AMBP: variants seen among roughly 807,000 people sequenced by gnomAD.
AMBP encodes protein AMBP.
Under a neutral mutation model 46.3 loss-of-function variants are expected in AMBP, and 37 were observed. The observed-to-expected ratio is 0.80, with a 90% CI of 0.61 to 1.05. AMBP has a LOEUF of 1.05. Ranked by LOEUF, AMBP falls within the 50% of genes least tolerant of loss-of-function variation. The pLI, the probability that AMBP is intolerant of heterozygous loss-of-function variation, is 0.00. For synonymous variants in AMBP, 174 were observed against 175.9 expected (o/e 0.99, Z 0.09); for missense variants, 475 against 461.2 (o/e 1.03, Z -0.27).
At chr9:114,061,392 C>T in intron 8 of AMBP, 32 bp downstream of exon 8, 1 of 1,613,444 alleles carries the variant, frequency 6.2e-7, no homozygotes, top group African/African-American at 1.3e-5. Flanking sequence ...CTTGAGGGTG[C>T]AGAGCGCACA....
chr9:114,074,938 T>C, intron 3 of AMBP, 22 bp downstream of exon 3: 1 of 1,604,084 alleles, frequency 6.2e-7, no homozygotes, highest in Non-Finnish European at 8.5e-7. Flanking sequence ...AGAATGCATG[T>C]GTCTCTTTCC....
At chr9:114,077,979 A>T in intron 1 of AMBP, 114 bp downstream of exon 1, 1 of 1,004,392 alleles carries the variant, frequency 1.0e-6, no homozygotes, top group Non-Finnish European at 1.5e-6. Flanking sequence ...ATAATCCCAG[A>T]TGATCTGAGT....
At chr9:114,073,999 T>C in intron 4 of AMBP, 37 bp downstream of exon 4, 1 of 1,592,784 alleles carries the variant, frequency 6.3e-7, no homozygotes, top group Non-Finnish European at 8.6e-7. Context: ...CCTCCCACCC[T>C]TAACTCCAAT....
intron 6 of AMBP, among the ~76,000 whole-genome samples, chr9:114,067,160 C>T (rs1387030688): frequency 1.3e-5 from 2 of 152,056 alleles, no homozygotes; most frequent in South Asian, 2.1e-4. Flanking sequence ...AGGATGGTCT[C>T]GATCTCCTGA....
At chr9:114,074,478 A>G (rs1846783322) in intron 3 of AMBP, among the ~76,000 whole-genome samples, 3 of 152,186 alleles carry the variant, frequency 2.0e-5, no homozygotes, top group African/African-American at 4.8e-5. Flanking sequence ...ATTTATCCTT[A>G]CATATATTCA....
In AMBP at chr9:114,078,084, C is replaced by G; in HGVS notation, c.117+9G>C. Reference sequence around the variant, plus strand: ...ACATCCACCCTACCACAGAGAGCGGCAGCCTTACCCGAGAGATATTGAAGT... The same window carrying G: ...ACATCCACCCTACCACAGAGAGCGGGAGCCTTACCCGAGAGATATTGAAGT... On this transcript the variant is annotated intron_variant, in intron 1 of 9. Transcript: ENST00000265132. The G allele has an allele frequency of 6.2e-7, 1 of 1,613,938 alleles. No homozygotes were observed. Among genetic ancestry groups the G allele is most frequent in the Non-Finnish European group, 8.5e-7 (1 of 1,179,938 alleles).
rs552277894 is a variant in AMBP, at chr9:114,074,917, A to C, written c.337+43T>G. On this transcript the variant is annotated intron_variant, in intron 3 of 9. Coordinates refer to ENST00000265132, the MANE Select transcript of AMBP (RefSeq NM_001633.4). ...GAGCTGAGGACATCAAGGTATTTTC[A>C]AGCAAAGGAGAGAATGCATGTGTCT... 5.7e-6 allele frequency: 9 copies of C among 1,568,056 alleles called. No individual in the cohort carries two copies. In the South Asian group the frequency reaches 7.8e-5, roughly 14 times the overall value.
Position 114,061,527 on chromosome 9 carries a change from A to G in AMBP, c.750T>C (p.Asn250=), listed in dbSNP as rs943322236. The G allele has an allele frequency of 2.5e-5, 40 of 1,613,856 alleles. No homozygotes were observed. The highest frequency in any genetic ancestry group is 3.4e-5 in the Non-Finnish European group (40 of 1,179,892). Residue 250 remains asparagine (N), a synonymous_variant, in exon 8 of 10, where the codon AAT becomes AAC. Coordinates refer to ENST00000265132, the MANE Select transcript of AMBP (RefSeq NM_001633.4). ...AAGTCTCACAGGCCATGGATGTACCATTATAGAAATACCTGCTGGTCATTC... is the reference window on the plus strand; with the variant it reads ...AAGTCTCACAGGCCATGGATGTACCGTTATAGAAATACCTGCTGGTCATTC... The part of the protein sequence containing the change: ...CMGMTSRYFY[N]GTSMACETFQ...
intron 1 of AMBP, 152 bp downstream of exon 1, chr9:114,077,941 G>A: frequency 1.3e-6 from 1 of 769,700 alleles, no homozygotes; most frequent in South Asian, 1.6e-5. Context: ...GAATGGCAGG[G>A]GATAGAGCTG....
At chr9:114,073,223 CCT>C (rs1039219139) in intron 4 of AMBP, among the ~76,000 whole-genome samples, 197 bp from the exon 5 acceptor site, 4 of 152,072 alleles carry the variant, frequency 2.6e-5, no homozygotes, top group African/African-American at 9.7e-5. Flanking sequence ...ACCCAGGTCT[CCT>C]GAGTCCCCAC....
intron 9 of AMBP, among the ~76,000 whole-genome samples, chr9:114,060,522 CGTT>C (rs2134842449): frequency 6.6e-6 from 1 of 152,210 alleles, no homozygotes; most frequent in South Asian, 2.1e-4. Context: ...ACCATTGTAT[CGTT>C]GTCGTTATTA....
In AMBP at chr9:114,072,689, C is replaced by T. The variant is rs544006913; in HGVS notation, c.556+236G>A. Among the ~76,000 whole-genome samples, 3 of 152,358 alleles carry T rather than the reference C, an allele frequency of 2.0e-5. No homozygotes were observed. The South Asian group carries it at 6.2e-4, about 32-fold the overall frequency. ...TATCTGTGGATTCTGGCTACAACCT[C>T]CCTGAGACACATGGCAGTAGAATGA... On this transcript the variant is annotated intron_variant, in intron 5 of 9. Coordinates refer to ENST00000265132, the MANE Select transcript of AMBP (RefSeq NM_001633.4).
intron 6 of AMBP, among the ~76,000 whole-genome samples, chr9:114,066,411 G>GTGTGTGTGTA (rs1264028636): frequency 1.4e-4 from 21 of 148,622 alleles, no homozygotes; most frequent in African/African-American, 4.7e-4. Flanking sequence ...GTGTGTGTGT[G>GTGTGTGTGTA]TAGAGATGGG....
At chr9:114,077,653 C>T (rs147131727) in intron 1 of AMBP, 265 of 171,534 alleles carry the variant, frequency 1.5e-3, no homozygotes, top group African/African-American at 5.9e-3. Flanking sequence ...CTGTGCCACC[C>T]CAGGTGTCTG....
chr9:114,068,808 TAAAAAAAAAA>T (rs34177397), intron 6 of AMBP, among the ~76,000 whole-genome samples: 1 of 97,130 alleles, frequency 1.0e-5, no homozygotes, highest in South Asian at 3.7e-4. Flanking sequence ...GTGGTGAGAT[TAAAAAAAAAA>T]AAAAAAAAAA....
At chr9:114,064,476 A>T (rs1317270532) in intron 6 of AMBP, among the ~76,000 whole-genome samples, 2 of 152,224 alleles carry the variant, frequency 1.3e-5, no homozygotes, top group Non-Finnish European at 2.9e-5. Flanking sequence ...GAAAAATCTG[A>T]AAGGATGAAC....
At chr9:114,061,752 C>G (rs569475768) in intron 7 of AMBP, among the ~76,000 whole-genome samples, 161 bp from the exon 8 acceptor site, 1 of 152,080 alleles carries the variant, frequency 6.6e-6, no homozygotes, top group African/African-American at 2.4e-5. Flanking sequence ...GTAACTTGGC[C>G]GGGGTCACAT....
chr9:114,066,376 C>CGTGTGTGTGTGGGTGTGTGT (rs1846693714), intron 6 of AMBP, among the ~76,000 whole-genome samples: 1 of 141,184 alleles, frequency 7.1e-6, no homozygotes, highest in African/African-American at 2.6e-5. Context: ...TTTATGTGCA[C>CGTGTGTGTGTGGGTGTGTGT]GTGTGTGTGT....
Position 114,069,872 on chromosome 9 carries a change from T to A in AMBP, c.557-127A>T, listed in dbSNP as rs1588490082. ...GTCGTGCCTTAGTCCACTTCATGAA[T>A]GGTCCTGCCTGTGTGGCTTGCTCAA... On this transcript the variant is annotated intron_variant, in intron 5 of 9. Coordinates refer to ENST00000265132, the MANE Select transcript of AMBP (RefSeq NM_001633.4). 4.4e-6 allele frequency: 4 copies of A among 914,570 alleles called. No individual in the cohort carries two copies. In the East Asian group the frequency reaches 1.0e-4, roughly 23 times the overall value. 56.7% of individuals were successfully genotyped at this position (914,570 alleles called of 1,614,324 possible).
Sources: gnomAD v4.1 joint callset for allele counts (sites outside exome capture counted in the v4.1 genomes callset) on GRCh38, gnomAD v4.1.1 for gene constraint, MANE v1.5 for transcripts, NCBI Gene and HGNC (gene_info 2026-07-23, HGNC 2026-07-21) for gene names.